Variants in ARHGAP15 observed in about 807,000 individuals in gnomAD.
ARHGAP15 encodes the protein Rho GTPase activating protein 15.
Under a neutral mutation model 63.7 loss-of-function variants are expected in ARHGAP15, and 51 were observed. The ratio of observed to expected loss-of-function variants is 0.80; its 90% CI spans 0.64 to 1.01. The LOEUF is 1.01. Among genes scored for constraint, ARHGAP15 ranks in the 50% least tolerant of loss-of-function variants. The pLI, the probability that ARHGAP15 is intolerant of heterozygous loss-of-function variation, is 0.00. For synonymous variants in ARHGAP15, 191 were observed against 193.8 expected (o/e 0.99, Z 0.12); for missense variants, 560 against 564.6 (o/e 0.99, Z 0.08).
chr2:143,402,576 G>T (rs1431507002), intron 6 of ARHGAP15, among the ~76,000 whole-genome samples: 1 of 149,900 alleles, frequency 6.7e-6, no homozygotes, highest in Non-Finnish European at 1.5e-5. Flanking sequence ...TTCTAAATTG[G>T]AAGGGGGGGT....
At chr2:143,283,900 G>A (rs1681973047) in intron 6 of ARHGAP15, among the ~76,000 whole-genome samples, 1 of 151,780 alleles carries the variant, frequency 6.6e-6, no homozygotes, top group South Asian at 2.1e-4. Context: ...CATTTTCATG[G>A]CTTCAGCTAT....
chr2:143,749,498 C>T (rs1384504346), intron 13 of ARHGAP15, among the ~76,000 whole-genome samples: 1 of 152,144 alleles, frequency 6.6e-6, no homozygotes, highest in Non-Finnish European at 1.5e-5. Flanking sequence ...CAGTTCATTA[C>T]TCTATTTTGA....
At chr2:143,203,604 A>G in intron 3 of ARHGAP15, among the ~76,000 whole-genome samples, 1 of 152,076 alleles carries the variant, frequency 6.6e-6, no homozygotes, top group East Asian at 1.9e-4. Context: ...ACAAATAAGC[A>G]CATATATCCC....
chr2:143,577,263 C>A lies in ARHGAP15; in HGVS notation c.1003+20778C>A, dbSNP rs150359157. 5.9e-5 allele frequency among the ~76,000 whole-genome samples: 9 copies of A among 152,138 alleles called. 1 individual carries two copies. In the East Asian group the frequency reaches 1.5e-3, roughly 26 times the overall value. On this transcript the variant is annotated intron_variant, in intron 11 of 13. Coordinates refer to ENST00000295095, the MANE Select transcript of ARHGAP15 (RefSeq NM_018460.4). ...TCCTCATACGAGCTAAAATGTAATC[C>A]CCTTCACTGGGGACTGTAAAGAAAT...
rs561771541 is a variant in ARHGAP15 at position 143,412,138 on chromosome 2, C to T, written c.475-23463C>T. ...CTGTTTATATCTTTTAATGATTGCT[C>T]TGTCAGCTTGGTAATGAAATTGAGT... On this transcript the variant is annotated intron_variant, in intron 6 of 13. Coordinates refer to ENST00000295095, the MANE Select transcript of ARHGAP15 (RefSeq NM_018460.4). Among the ~76,000 whole-genome samples the T allele has an allele frequency of 5.9e-5, 9 of 152,094 alleles. No individual in the cohort carries two copies. In the East Asian group the frequency reaches 1.5e-3, roughly 26 times the overall value.
chr2:143,499,736 G>A (rs771941707), intron 9 of ARHGAP15, among the ~76,000 whole-genome samples: 2 of 152,116 alleles, frequency 1.3e-5, no homozygotes, highest in Non-Finnish European at 2.9e-5. Context: ...AGAAGGGTTA[G>A]AGTGTTGTGT....
intron 3 of ARHGAP15, among the ~76,000 whole-genome samples, chr2:143,207,426 C>T (rs1692374493): frequency 6.6e-6 from 1 of 151,410 alleles, no homozygotes; most frequent in Non-Finnish European, 1.5e-5. Context: ...TGCTGCATAC[C>T]CGAATATTTT....
intron 12 of ARHGAP15, among the ~76,000 whole-genome samples, chr2:143,631,802 T>TTTGA (rs1314931748): frequency 6.6e-6 from 1 of 152,114 alleles, no homozygotes; most frequent in Non-Finnish European, 1.5e-5. Flanking sequence ...CATTTTTAAT[T>TTTGA]TTGATAAAGT....
chr2:143,418,794 C>T (rs570058476), intron 6 of ARHGAP15, among the ~76,000 whole-genome samples: 1 of 152,248 alleles, frequency 6.6e-6, no homozygotes, highest in South Asian at 2.1e-4. Context: ...ATACAGGGGT[C>T]TCTCTGTATC....
intron 6 of ARHGAP15, among the ~76,000 whole-genome samples, chr2:143,306,111 C>T (rs1316373378): frequency 3.9e-5 from 6 of 152,094 alleles, no homozygotes; most frequent in African/African-American, 1.4e-4. Flanking sequence ...GGAACAATCT[C>T]AGTAATATTA....
At chr2:143,674,264 G>A (rs1682715705) in intron 12 of ARHGAP15, among the ~76,000 whole-genome samples, 10 of 152,086 alleles carry the variant, frequency 6.6e-5, no homozygotes, top group Admixed American at 6.6e-4. Context: ...TCAAAAGGGA[G>A]ATTTGTCAAC....
intron 10 of ARHGAP15, among the ~76,000 whole-genome samples, chr2:143,535,631 T>C (rs528565676): frequency 5.6e-4 from 86 of 152,338 alleles, no homozygotes; most frequent in African/African-American, 2.0e-3. Flanking sequence ...AGTCTTCAAA[T>C]TGATAATCTT....
chr2:143,535,886 T>G (rs1479168809), intron 10 of ARHGAP15, among the ~76,000 whole-genome samples: 2 of 152,210 alleles, frequency 1.3e-5, no homozygotes, highest in East Asian at 3.8e-4. Flanking sequence ...TCATAAATGT[T>G]GTATCAATGA....
At chr2:143,681,340 T>C (rs1176277532) in intron 12 of ARHGAP15, among the ~76,000 whole-genome samples, 2 of 152,200 alleles carry the variant, frequency 1.3e-5, no homozygotes, top group Non-Finnish European at 2.9e-5. Context: ...TAGTAGCGTA[T>C]GTGAAACTTT....
chr2:143,658,014 C>T (rs150441517), intron 12 of ARHGAP15, among the ~76,000 whole-genome samples: 3 of 152,282 alleles, frequency 2.0e-5, no homozygotes, highest in Non-Finnish European at 4.4e-5. Context: ...ACATCAGTTC[C>T]TTCAGTAACT....
At chr2:143,745,838 G>A (rs1686142822) in intron 13 of ARHGAP15, among the ~76,000 whole-genome samples, 1 of 152,200 alleles carries the variant, frequency 6.6e-6, no homozygotes, top group African/African-American at 2.4e-5. Context: ...TATTCAAAAT[G>A]AGGAAACTGA....
Position 143,418,036 on chromosome 2 carries a change from A to C in ARHGAP15, c.475-17565A>C, listed in dbSNP as rs185665232. The stretch of plus-strand genomic sequence containing the variant: ...AAACTCAAACTAATAGGAATAGTAT[A>C]TTTTGGGTACAATAATACTATTTTT... On this transcript the variant is annotated intron_variant, in intron 6 of 13. Coordinates refer to ENST00000295095, the MANE Select transcript of ARHGAP15 (RefSeq NM_018460.4). Among the ~76,000 whole-genome samples, 3 of 152,350 alleles carry C rather than the reference A, an allele frequency of 2.0e-5. No individual in the cohort carries two copies. In the East Asian group the frequency reaches 5.8e-4, roughly 29 times the overall value.
At chr2:143,396,062 T>C (rs188844083) in intron 6 of ARHGAP15, among the ~76,000 whole-genome samples, 12 of 152,246 alleles carry the variant, frequency 7.9e-5, no homozygotes, top group Non-Finnish European at 1.3e-4. Flanking sequence ...TGTGGAACTG[T>C]TGGTCTTTGT....
intron 6 of ARHGAP15, among the ~76,000 whole-genome samples, chr2:143,286,002 T>C (rs1225915838): frequency 2.6e-5 from 4 of 152,230 alleles, no homozygotes; most frequent in Admixed American, 2.0e-4. Context: ...TGAAAATTCA[T>C]GATGCACAAA....
Sources: gnomAD v4.1 joint callset for allele counts (sites outside exome capture counted in the v4.1 genomes callset) on GRCh38, gnomAD v4.1.1 for gene constraint, MANE v1.5 for transcripts, NCBI Gene and HGNC (gene_info 2026-07-23, HGNC 2026-07-21) for gene names.